PARD3B: variants seen among roughly 807,000 people sequenced by gnomAD.
PARD3B encodes par-3 family cell polarity regulator beta, also known as partitioning defective 3 homolog B.
A neutral mutation model predicts 130.2 loss-of-function variants in PARD3B; 103 were observed. The ratio of observed to expected loss-of-function variants is 0.79; its 90% CI spans 0.67 to 0.93. The LOEUF is 0.93. PARD3B is among the 40% of genes least tolerant of loss of function. The pLI, the probability that PARD3B is intolerant of heterozygous loss-of-function variation, is 0.00. For synonymous variants in PARD3B, 583 were observed against 553.2 expected (o/e 1.05, Z -0.76); for missense variants, 1,609 against 1,499.2 (o/e 1.07, Z -1.21).
intron 3 of PARD3B, among the ~76,000 whole-genome samples, chr2:204,998,620 A>G (rs1694554064): frequency 6.6e-6 from 1 of 150,904 alleles, no homozygotes; most frequent in African/African-American, 2.4e-5. Flanking sequence ...AATCACTAAA[A>G]GTTTTTGATA....
chr2:205,171,456 G>A (rs147883254), intron 11 of PARD3B, among the ~76,000 whole-genome samples: 1 of 152,342 alleles, frequency 6.6e-6, no homozygotes, highest in East Asian at 1.9e-4. Flanking sequence ...AAGTGAATGA[G>A]ACCACAGTCT....
intron 2 of PARD3B, among the ~76,000 whole-genome samples, chr2:204,712,729 A>G (rs1295532104): frequency 6.6e-6 from 1 of 152,152 alleles, no homozygotes; most frequent in Admixed American, 6.6e-5. Context: ...GCAATCAAAG[A>G]AAAATCATGT....
At chr2:204,914,503 C>G (rs2047369068) in intron 2 of PARD3B, among the ~76,000 whole-genome samples, 1 of 152,032 alleles carries the variant, frequency 6.6e-6, no homozygotes, top group African/African-American at 2.4e-5. Context: ...AGTAAATCTG[C>G]TGATGGAAAT....
chr2:204,785,168 T>C (rs1203577733), intron 2 of PARD3B, among the ~76,000 whole-genome samples: 1 of 152,230 alleles, frequency 6.6e-6, no homozygotes, highest in African/African-American at 2.4e-5. Flanking sequence ...GAAATTATTT[T>C]TCTAAATGCT....
intron 2 of PARD3B, among the ~76,000 whole-genome samples, chr2:204,745,572 T>C (rs1442904088): frequency 6.6e-6 from 1 of 152,000 alleles, no homozygotes; most frequent in Non-Finnish European, 1.5e-5. Flanking sequence ...CTGGCTAATC[T>C]TTGTATTTTT....
chr2:205,153,555 C>A (rs1270149194), intron 10 of PARD3B, among the ~76,000 whole-genome samples: 1 of 152,128 alleles, frequency 6.6e-6, no homozygotes, highest in Non-Finnish European at 1.5e-5. Flanking sequence ...CTTTAAAGTT[C>A]ATATGGAACC....
intron 1 of PARD3B, among the ~76,000 whole-genome samples, chr2:204,654,677 G>T (rs1007584672): frequency 1.3e-5 from 2 of 152,164 alleles, no homozygotes; most frequent in African/African-American, 4.8e-5. Context: ...TTTTTGGAGG[G>T]ACTTCTTGAG....
intron 6 of PARD3B, 45 bp from the exon 7 acceptor site, chr2:205,118,876 A>T: frequency 7.8e-7 from 1 of 1,284,600 alleles, no homozygotes; most frequent in Non-Finnish European, 1.1e-6. Context: ...AATAATTAGC[A>T]TTTATTATTC....
chr2:204,903,933 C>T (rs1015626030), intron 2 of PARD3B, among the ~76,000 whole-genome samples: 4 of 152,076 alleles, frequency 2.6e-5, no homozygotes, highest in Admixed American at 6.6e-5. Flanking sequence ...AATTATCTGT[C>T]GGTCTACTAT....
intron 4 of PARD3B, among the ~76,000 whole-genome samples, chr2:205,050,085 A>G (rs1044470778): frequency 1.3e-5 from 2 of 151,934 alleles, no homozygotes; most frequent in Non-Finnish European, 2.9e-5. Flanking sequence ...TGCTCAGTGT[A>G]TATGTTTTGG....
chr2:205,076,779 TC>T (rs139782452), intron 4 of PARD3B, among the ~76,000 whole-genome samples: 14,522 of 151,964 alleles, frequency 0.096, 828 homozygotes, highest in Middle Eastern at 0.2. Flanking sequence ...TTACCCCATT[TC>T]CCCCACCCCC....
At chr2:205,555,689 C>T (rs1337235372) in intron 22 of PARD3B, among the ~76,000 whole-genome samples, 2 of 152,168 alleles carry the variant, frequency 1.3e-5, no homozygotes, top group Non-Finnish European at 2.9e-5. Flanking sequence ...AGTTCACTCA[C>T]CCACGTACAC....
At chr2:204,931,916 G>GT (rs1559271892) in intron 2 of PARD3B, among the ~76,000 whole-genome samples, 1 of 151,968 alleles carries the variant, frequency 6.6e-6, no homozygotes, top group African/African-American at 2.4e-5. Flanking sequence ...TCATTGCTTT[G>GT]TTTTTTAAAG....
intron 1 of PARD3B, among the ~76,000 whole-genome samples, chr2:204,578,678 T>A (rs949177528): frequency 1.3e-5 from 2 of 152,050 alleles, no homozygotes; most frequent in African/African-American, 4.8e-5. Context: ...ACTACACAGG[T>A]GATAAAAATT....
At chr2:205,271,347 A>G (rs2040716000) in intron 16 of PARD3B, among the ~76,000 whole-genome samples, 1 of 152,224 alleles carries the variant, frequency 6.6e-6, no homozygotes, top group African/African-American at 2.4e-5. Flanking sequence ...GCTACAGTGG[A>G]TGATGGTGGG....
At chr2:204,683,624 G>T (rs966686380) in intron 1 of PARD3B, among the ~76,000 whole-genome samples, 6 of 152,082 alleles carry the variant, frequency 3.9e-5, no homozygotes, top group African/African-American at 2.4e-5. Flanking sequence ...TTGACATTTT[G>T]CCCCCTCTCA....
intron 2 of PARD3B, among the ~76,000 whole-genome samples, chr2:204,750,572 T>C (rs1225811452): frequency 2.0e-5 from 3 of 151,768 alleles, no homozygotes; most frequent in Non-Finnish European, 4.4e-5. Flanking sequence ...GGTGAAAGAG[T>C]GAAACGCTGT....
chr2:204,646,602 C>T (rs961814701), intron 1 of PARD3B, among the ~76,000 whole-genome samples: 1 of 151,920 alleles, frequency 6.6e-6, no homozygotes. Context: ...TGAGACATAC[C>T]AGTGTGTACA....
chr2:204,776,008 T>TC (rs1466413651), intron 2 of PARD3B, among the ~76,000 whole-genome samples: 2 of 152,212 alleles, frequency 1.3e-5, no homozygotes, highest in Non-Finnish European at 2.9e-5. Flanking sequence ...TTTACTTTTT[T>TC]CCCACTTGTT....
Sources: allele counts gnomAD v4.1 joint callset (sites outside exome capture counted in the v4.1 genomes callset), GRCh38; gene constraint gnomAD v4.1.1; transcripts MANE v1.5; gene names NCBI Gene and HGNC (gene_info 2026-07-23, HGNC 2026-07-21).